DENND1B: variants seen among roughly 807,000 people sequenced by gnomAD.
DENND1B encodes the protein DENN domain containing 1B, also known as DENN domain-containing protein 1B.
DENND1B carries 59 observed loss-of-function variants against 90.1 expected under a neutral mutation model. That is an observed-to-expected ratio of 0.65 (90% CI 0.53 to 0.81). The LOEUF (loss-of-function observed/expected upper bound fraction) is 0.81. DENND1B is among the 40% of genes least tolerant of loss of function. The pLI, the probability that DENND1B is intolerant of heterozygous loss-of-function variation, is 0.00. For synonymous variants in DENND1B, 337 were observed against 324.6 expected, an observed-to-expected ratio of 1.04 and a Z score of -0.41; for missense variants, 862 against 912.6, an observed-to-expected ratio of 0.94 and a Z score of 0.71.
At chr1:197,636,832 A>T (rs1383350139) in intron 10 of DENND1B, among the ~76,000 whole-genome samples, 2 of 152,162 alleles carry the variant, frequency 1.3e-5, no homozygotes, top group African/African-American at 2.4e-5. Context: ...TAGAACCTAT[A>T]GGATGTAGGT....
At chr1:197,636,746 G>A (rs2125908379) in intron 10 of DENND1B, among the ~76,000 whole-genome samples, 1 of 152,208 alleles carries the variant, frequency 6.6e-6, no homozygotes, top group Admixed American at 6.5e-5. Context: ...AATAATATCT[G>A]TGGGAAGTAG....
chr1:197,770,066 T>C (rs1484744111), intron 2 of DENND1B, among the ~76,000 whole-genome samples: 1 of 152,146 alleles, frequency 6.6e-6, no homozygotes, highest in Non-Finnish European at 1.5e-5. Context: ...ACTTGTTAGA[T>C]CCTAAAATAT....
chr1:197,572,579 T>C (rs1357642670), intron 15 of DENND1B, among the ~76,000 whole-genome samples: 1 of 152,144 alleles, frequency 6.6e-6, no homozygotes, highest in African/African-American at 2.4e-5. Flanking sequence ...AGCATGACAT[T>C]TGAGCTCTGA....
intron 17 of DENND1B, 145 bp from the exon 18 acceptor site, chr1:197,546,135 C>A (rs1571825706): frequency 3.2e-6 from 1 of 310,646 alleles, no homozygotes; most frequent in Non-Finnish European, 5.6e-6. Flanking sequence ...GTTCAGTGTT[C>A]AGTGTTTTCA....
rs1667855742 is a variant in DENND1B, at chr1:197,508,997, C to T, written c.*1463G>A. ...GACTCCTCACTCCTGCATGTAGTGACTTCCTTCCAAAAATGACAGCATGGA... is the reference window on the plus strand; with the variant it reads ...GACTCCTCACTCCTGCATGTAGTGATTTCCTTCCAAAAATGACAGCATGGA... On this transcript the variant is annotated 3_prime_UTR_variant, in exon 23 of 23. Transcript: ENST00000620048. 6.6e-6 allele frequency: 1 copy of T among 151,728 alleles called. No individual in the cohort carries two copies. The highest frequency in any genetic ancestry group is 6.6e-5 in the Admixed American group (1 of 15,188). 9.4% of individuals were successfully genotyped at this position (151,728 alleles called of 1,614,324 possible). A position where few individuals can be genotyped will look rare whatever the true frequency, so the allele number is the denominator to read the frequency against.
chr1:197,770,818 A>ATC (rs1463377740), intron 2 of DENND1B, among the ~76,000 whole-genome samples: 19 of 135,100 alleles, frequency 1.4e-4, no homozygotes, highest in East Asian at 4.2e-4. Flanking sequence ...ATAAATATAT[A>ATC]TGTAAATATA....
chr1:197,723,795 T>C (rs192376240), intron 2 of DENND1B, among the ~76,000 whole-genome samples: 1 of 152,100 alleles, frequency 6.6e-6, no homozygotes, highest in Non-Finnish European at 1.5e-5. Context: ...TTGTTTGTTA[T>C]AATTCTTTAT....
intron 3 of DENND1B, among the ~76,000 whole-genome samples, chr1:197,696,190 GAT>G (rs1240004289): frequency 1.3e-5 from 2 of 151,390 alleles, no homozygotes; most frequent in Non-Finnish European, 3.0e-5. Flanking sequence ...TTCCTATGAA[GAT>G]GCAGCTGAAG....
At chr1:197,617,991 A>G (rs1199499040) in intron 10 of DENND1B, among the ~76,000 whole-genome samples, 1 of 151,194 alleles carries the variant, frequency 6.6e-6, no homozygotes, top group African/African-American at 2.4e-5. Context: ...AGTTATAATC[A>G]TCTGAAAATA....
chr1:197,652,438 TC>T, intron 6 of DENND1B, 123 bp from the exon 7 acceptor site: 1 of 693,820 alleles, frequency 1.4e-6, no homozygotes, highest in Non-Finnish European at 2.2e-6. Context: ...ATAAATGTTT[TC>T]CACAGAAACA....
intron 7 of DENND1B, among the ~76,000 whole-genome samples, chr1:197,651,042 A>T (rs1164035619): frequency 6.6e-6 from 1 of 152,166 alleles, no homozygotes; most frequent in Non-Finnish European, 1.5e-5. Context: ...ATTAATTTTT[A>T]AAAAGAAGAA....
At chr1:197,633,497 T>C (rs1013339478) in intron 10 of DENND1B, among the ~76,000 whole-genome samples, 1 of 152,176 alleles carries the variant, frequency 6.6e-6, no homozygotes, top group African/African-American at 2.4e-5. Context: ...CTGGTTCCAG[T>C]GAGACACTCT....
At chr1:197,583,664 A>G (rs1430853612) in intron 14 of DENND1B, among the ~76,000 whole-genome samples, 2 of 152,316 alleles carry the variant, frequency 1.3e-5, no homozygotes, top group Non-Finnish European at 1.5e-5. Context: ...AGTTGTTATG[A>G]TCATTAATTT....
intron 6 of DENND1B, among the ~76,000 whole-genome samples, chr1:197,655,558 G>A (rs1041091912): frequency 2.0e-5 from 3 of 150,188 alleles, no homozygotes; most frequent in African/African-American, 7.4e-5. Flanking sequence ...TTGAGACGGA[G>A]TCTCGCTCTG....
At chr1:197,716,805 G>A (rs922304279) in intron 2 of DENND1B, among the ~76,000 whole-genome samples, 2 of 151,906 alleles carry the variant, frequency 1.3e-5, no homozygotes, top group Non-Finnish European at 2.9e-5. Context: ...ATTACTATTT[G>A]AGAAGATGTT....
Position 197,775,188 on chromosome 1 carries a change from C to T in DENND1B, c.-33G>A. The T allele has an allele frequency of 5.5e-6, 7 of 1,264,896 alleles. No individual in the cohort carries two copies. Among genetic ancestry groups the T allele is most frequent in the Non-Finnish European group, 7.0e-6 (7 of 1,000,382 alleles). 78.4% of individuals were successfully genotyped at this position (1,264,896 alleles called of 1,614,324 possible). ...TGTCGGTGTGGGGCTGTCCGTCCGG[C>T]CCCCGCGCGCTGGCCTGGAAGCCCG... On this transcript the variant is annotated 5_prime_UTR_variant, in exon 1 of 23. Transcript: ENST00000620048.
intron 3 of DENND1B, among the ~76,000 whole-genome samples, chr1:197,677,487 T>C (rs1656211439): frequency 6.6e-6 from 1 of 152,144 alleles, no homozygotes; most frequent in Non-Finnish European, 1.5e-5. Context: ...GTAGTTACCA[T>C]GACCCCTCCT....
intron 15 of DENND1B, among the ~76,000 whole-genome samples, chr1:197,581,393 A>C (rs1036049505): frequency 1.7e-4 from 26 of 152,286 alleles, no homozygotes; most frequent in Admixed American, 7.8e-4. Context: ...AACGTCCTTG[A>C]ACAAACTGTA....
chr1:197,779,002 C>A (rs933108691), upstream of DENND1B, among the ~76,000 whole-genome samples: 3 of 152,084 alleles, frequency 2.0e-5, no homozygotes, highest in Non-Finnish European at 2.9e-5. Context: ...AAAATCCCCC[C>A]AAAAATGCAT....
Sources: allele counts gnomAD v4.1 joint callset (sites outside exome capture counted in the v4.1 genomes callset), GRCh38; gene constraint gnomAD v4.1.1; transcripts MANE v1.5; gene names NCBI Gene and HGNC (gene_info 2026-07-23, HGNC 2026-07-21).